PRIM1: variants seen among roughly 807,000 people sequenced by gnomAD.
PRIM1 encodes the protein DNA primase small subunit.
A neutral mutation model predicts 60.2 loss-of-function variants in PRIM1; 38 were observed. The observed-to-expected ratio is 0.63, with a 90% CI of 0.49 to 0.83. The LOEUF (loss-of-function observed/expected upper bound fraction) is 0.83, where lower values mean the gene tolerates loss of function less well. Ranked by LOEUF, PRIM1 falls within the 40% of genes least tolerant of loss-of-function variation. The pLI is 0.00. For synonymous variants in PRIM1, 158 were observed against 160.2 expected, an observed-to-expected ratio of 0.99 and a Z score of 0.10; for missense variants, 388 against 506.2, an observed-to-expected ratio of 0.77 and a Z score of 2.24.
At chr12:56,744,232 C>T (rs1179065942) in intron 5 of PRIM1, 109 bp from the exon 6 acceptor site, 6 of 766,170 alleles carry the variant, frequency 7.8e-6, no homozygotes, top group East Asian at 5.7e-5. Context: ...ATGGTGGGCA[C>T]GGTGGCTCAC....
chr12:56,741,763 C>A lies in PRIM1; in HGVS notation c.823G>T (p.Val275Leu), dbSNP rs990234030. The A allele has an allele frequency of 1.2e-6, 2 of 1,613,870 alleles. No individual in the cohort carries two copies. Among genetic ancestry groups the A allele is most frequent in the Non-Finnish European group, 1.7e-6 (2 of 1,179,830 alleles). ...SLQRWEHLKKVASRYQNNIKN... is the reference protein window; with the variant it reads ...SLQRWEHLKKLASRYQNNIKN... ...GCATATACCTGATATCTGCTGGCTACTTTCTTCAAGTGCTCCCAACGCTGA... is the reference window on the plus strand; with the variant it reads ...GCATATACCTGATATCTGCTGGCTAATTTCTTCAAGTGCTCCCAACGCTGA... Residue 275 changes from valine to leucine, a missense_variant, in exon 8 of 13, where the codon GTA becomes TTA. Physicochemically the swap from Val to Leu is conservative, Grantham distance 32. This residue lies in a region of PRIM1 where 211 missense variants were observed against 277.9 expected (regional missense o/e 0.76). Coordinates refer to ENST00000338193, the MANE Select transcript of PRIM1 (RefSeq NM_000946.3).
At chr12:56,752,155 C>T (rs376069774) in intron 1 of PRIM1, 41 bp downstream of exon 1, 2 of 1,439,286 alleles carry the variant, frequency 1.4e-6, no homozygotes, top group African/African-American at 1.4e-5. Flanking sequence ...CCTCCAACCT[C>T]CTCACACTCC....
At chr12:56,752,086 C>A (rs1953973175) in intron 1 of PRIM1, 110 bp downstream of exon 1, 3 of 699,492 alleles carry the variant, frequency 4.3e-6, no homozygotes, top group Admixed American at 2.9e-5. Context: ...AATGAAGGCG[C>A]GCGGCACAAA....
chr12:56,752,125 G>A, intron 1 of PRIM1, 71 bp downstream of exon 1: 3 of 1,156,350 alleles, frequency 2.6e-6, no homozygotes, highest in Non-Finnish European at 3.7e-6. Context: ...GCTTCATATT[G>A]TCATTCTAAG....
chr12:56,746,274 T>G (rs1386679437), intron 4 of PRIM1, 93 bp from the exon 5 acceptor site: 18 of 1,391,584 alleles, frequency 1.3e-5, no homozygotes, highest in Non-Finnish European at 1.8e-5. Flanking sequence ...GTGCTCCCCA[T>G]GTTCTTGCTT....
At chr12:56,732,747 G>GAAC (rs927055066) in intron 12 of PRIM1, among the ~76,000 whole-genome samples, 4 of 142,154 alleles carry the variant, frequency 2.8e-5, no homozygotes, top group African/African-American at 1.0e-4. Flanking sequence ...CTTCAAGAAT[G>GAAC]AACAACCCTT....
rs898835206 is a variant in PRIM1 at position 56,750,528 on chromosome 12, CAATT to C, written c.261+506_261+509del. On this transcript the variant is annotated intron_variant, in intron 2 of 12. Transcript: ENST00000338193. ...TATATTTGACCTCAATAAAAATAAA[CAATT>C]AAAAGAAAAAAAGAATAACTTCCAT... is the stretch of plus-strand genomic sequence containing the variant. Among the ~76,000 whole-genome samples the C allele has an allele frequency of 3.9e-4, 59 of 149,704 alleles. 1 individual carries two copies. Among genetic ancestry groups the C allele is most frequent in the Non-Finnish European group, 1.5e-4 (10 of 67,576 alleles).
At chr12:56,731,897 G>A (rs573168174) in intron 12 of PRIM1, among the ~76,000 whole-genome samples, 163 bp from the exon 13 acceptor site, 8 of 152,318 alleles carry the variant, frequency 5.3e-5, no homozygotes, top group African/African-American at 1.9e-4. Flanking sequence ...GAGCTAGTAT[G>A]GAACAGTGAG....
Position 56,731,707 on chromosome 12 carries a change from C to G in PRIM1, c.*8G>C. ...AAGATATCCACAATGGTTTGAGGAG[C>G]TCTGTCTTCAGAAATCTTTTTGTAA... On this transcript the variant is annotated 3_prime_UTR_variant, in exon 13 of 13. Coordinates refer to ENST00000338193, the MANE Select transcript of PRIM1 (RefSeq NM_000946.3). The G allele has an allele frequency of 6.6e-7, 1 of 1,515,050 alleles. No homozygotes were observed. The highest frequency in any genetic ancestry group is 8.9e-7 in the Non-Finnish European group (1 of 1,117,692). 93.9% of individuals were successfully genotyped at this position (1,515,050 alleles called of 1,614,324 possible).
At chr12:56,733,288 G>A (rs1206992379) in intron 12 of PRIM1, among the ~76,000 whole-genome samples, 2 of 151,468 alleles carry the variant, frequency 1.3e-5, no homozygotes, top group East Asian at 2.0e-4. Context: ...CTCCCTAGTA[G>A]CTGGGATTAC....
Position 56,746,108 on chromosome 12 carries a change from T to C in PRIM1, c.516A>G (p.Glu172=), listed in dbSNP as rs753706824. 1.9e-6 allele frequency: 3 copies of C among 1,613,554 alleles called. No individual in the cohort carries two copies. In the Admixed American group the frequency reaches 5.0e-5, roughly 27 times the overall value. The change falls in exon 5 of 13, where the codon GAA becomes GAG. Residue 172 remains glutamate, a synonymous_variant. Coordinates refer to ENST00000338193, the MANE Select transcript of PRIM1 (RefSeq NM_000946.3). ...RRGVHCWVCD[E]SVRKLSSAVR... ...CTGCAGAAGACAGTTTTCTAACTGATTCATCACAGACCCAACAATGAACAC... is the reference window on the plus strand; with the variant it reads ...CTGCAGAAGACAGTTTTCTAACTGACTCATCACAGACCCAACAATGAACAC...
intron 11 of PRIM1, among the ~76,000 whole-genome samples, chr12:56,737,343 T>C (rs772786456): frequency 2.6e-4 from 35 of 135,150 alleles, no homozygotes; most frequent in Admixed American, 1.9e-3. Context: ...TGCGCTGCTA[T>C]GCGGCATCTT....
intron 11 of PRIM1, among the ~76,000 whole-genome samples, chr12:56,735,875 T>C (rs1367788282): frequency 6.6e-6 from 1 of 151,504 alleles, no homozygotes. Context: ...GGTCTTGAAC[T>C]CCTGACCTCA....
intron 12 of PRIM1, among the ~76,000 whole-genome samples, chr12:56,732,687 G>A (rs1020354411): frequency 6.6e-6 from 1 of 151,594 alleles, no homozygotes; most frequent in Non-Finnish European, 1.5e-5. Flanking sequence ...CTACTTGATG[G>A]CTTCCAGAGT....
chr12:56,745,768 G>A (rs1374085004), intron 5 of PRIM1, among the ~76,000 whole-genome samples: 1 of 151,858 alleles, frequency 6.6e-6, no homozygotes, highest in Non-Finnish European at 1.5e-5. Context: ...GCGAAACCCA[G>A]TCTTTACTAA....
intron 2 of PRIM1, 92 bp downstream of exon 2, chr12:56,750,946 T>C: frequency 1.1e-6 from 1 of 900,864 alleles, no homozygotes. Flanking sequence ...TAGAATAAAC[T>C]CTAAAAATTT....
chr12:56,751,403 C>T lies in PRIM1; in HGVS notation c.104-208G>A, dbSNP rs147715112. 7.7e-3 allele frequency: 2,813 copies of T among 363,546 alleles called. 186 individuals are homozygous for T. In the Admixed American group the frequency reaches 0.11, roughly 15 times the overall value. The allele number at this position is 363,546 out of a possible 1,614,324, so 22.5% of individuals were successfully genotyped here. A position where few individuals can be genotyped will look rare whatever the true frequency, so the allele number is the denominator to read the frequency against. On this transcript the variant is annotated intron_variant, in intron 1 of 12. Transcript: ENST00000338193. ...CAAGGGATCCTACCACCTCAGCCTC[C>T]CGAGGCTGTAGCTGGGACTACAGGC...
At chr12:56,743,709 G>C (rs1399336545) in intron 6 of PRIM1, 1 of 187,312 alleles carries the variant, frequency 5.3e-6, no homozygotes, top group Admixed American at 5.8e-5. Context: ...AGTGAATTCA[G>C]TGGAAAAAGC....
chr12:56,752,215 G>A lies in PRIM1; in HGVS notation c.84C>T (p.Arg28=). The A allele has an allele frequency of 6.2e-7, 1 of 1,601,174 alleles. No homozygotes were observed. The highest frequency in any genetic ancestry group is 8.5e-7 in the Non-Finnish European group (1 of 1,173,680). The change falls in exon 1 of 13, where the codon CGC becomes CGT. Residue 28 remains arginine (R), a synonymous_variant. Transcript: ENST00000338193. ...RRLFPYSQYY[R]WLNYGGVIKN... ...CATCACCTCCACCGTAGTTGAGCCA[G>A]CGATAGTACTGAGAGTAGGGAAAGA... is the stretch of plus-strand genomic sequence containing the variant.
Sources: allele counts gnomAD v4.1 joint callset (sites outside exome capture counted in the v4.1 genomes callset), GRCh38; gene constraint gnomAD v4.1.1; regional missense constraint gnomAD v4.1.1; transcripts MANE v1.5; gene names NCBI Gene and HGNC (gene_info 2026-07-23, HGNC 2026-07-21).